Variants in DIAPH2 observed in about 807,000 individuals in gnomAD.
The protein encoded by DIAPH2 is protein diaphanous homolog 2.
A neutral mutation model predicts 92.7 loss-of-function variants in DIAPH2; 35 were observed. The observed-to-expected ratio is 0.38, with a 90% CI of 0.29 to 0.50. DIAPH2 has a LOEUF of 0.50. DIAPH2 is among the 20% of genes least tolerant of loss of function. DIAPH2 has a pLI of 0.94. For missense variants in DIAPH2, 701 were observed against 819.5 expected (o/e 0.86, Z 1.77); for synonymous variants, 301 against 280.4 (o/e 1.07, Z -0.73).
intron 25 of DIAPH2, among the ~76,000 whole-genome samples, chrX:97,404,261 C>T (rs2069787199): frequency 9.0e-6 from 1 of 111,416 alleles, no homozygotes; most frequent in African/African-American, 3.3e-5. Flanking sequence ...TTTTTAATTG[C>T]AGTTATTTGA....
intron 22 of DIAPH2, among the ~76,000 whole-genome samples, chrX:97,238,584 T>C (rs6615901): frequency 0.021 from 2,237 of 108,821 alleles, 61 homozygotes; most frequent in East Asian, 0.16. Flanking sequence ...TTTTTTTTTT[T>C]CCCCCTAAGA....
rs1170089359 is a variant in DIAPH2, at chrX:97,015,004, T to C, written c.2050+49797T>C. On this transcript the variant is annotated intron_variant, in intron 17 of 26. Coordinates refer to ENST00000324765, the MANE Select transcript of DIAPH2 (RefSeq NM_006729.5). ...TATATCCAACTTTTAGACCTAATTT[T>C]ATTTTTTAGTATATTTGAGAAAGTT... Among the ~76,000 whole-genome samples the C allele has an allele frequency of 7.1e-5, 8 of 112,047 alleles. 1 individual carries two copies. The highest frequency in any genetic ancestry group is 6.6e-4 in the Admixed American group (7 of 10,538).
intron 7 of DIAPH2, among the ~76,000 whole-genome samples, chrX:96,914,992 A>G (rs891986037): frequency 1.8e-5 from 2 of 111,115 alleles, no homozygotes; most frequent in African/African-American, 6.5e-5. Context: ...TTTTGGCCCC[A>G]TGGAGTTTAG....
rs2071608174 is a variant in DIAPH2 at position 97,603,995 on chromosome X, T to C, written c.*4678T>C. The C allele has an allele frequency of 8.9e-6, 1 of 112,738 alleles. No homozygotes were observed. The highest frequency in any genetic ancestry group is 1.9e-5 in the Non-Finnish European group (1 of 53,338). 9.3% of individuals were successfully genotyped at this position (112,738 alleles called of 1,213,427 possible). On this transcript the variant is annotated 3_prime_UTR_variant, in exon 27 of 27. Coordinates refer to ENST00000324765, the MANE Select transcript of DIAPH2 (RefSeq NM_006729.5). Reference sequence around the variant, plus strand: ...CTGCATTAGATTCCCATGGCTGCTGTAACAAATTACCCTCTAGCCCAGTGG... The same window carrying C: ...CTGCATTAGATTCCCATGGCTGCTGCAACAAATTACCCTCTAGCCCAGTGG...
At chrX:96,789,750 C>T (rs954560004) in intron 4 of DIAPH2, among the ~76,000 whole-genome samples, 1 of 111,608 alleles carries the variant, frequency 9.0e-6, no homozygotes, top group African/African-American at 3.3e-5. Context: ...ATACCTGATC[C>T]CCACTCCCCC....
At chrX:97,442,570 A>G (rs944340877) in intron 26 of DIAPH2, 8 of 112,518 alleles carry the variant, frequency 7.1e-5, no homozygotes, top group African/African-American at 2.6e-4. Context: ...GCTCATTTCT[A>G]TATTATTAAG....
At chrX:97,222,172 AGATGATGATGATGATGAT>A (rs56742311) in intron 22 of DIAPH2, among the ~76,000 whole-genome samples, 80 of 104,072 alleles carry the variant, frequency 7.7e-4, no homozygotes, top group African/African-American at 2.9e-3. Context: ...GGGAGGGTCT[AGATGATGATGATGATGAT>A]GATGATGATG....
chrX:96,910,597 A>G (rs1208989490), intron 5 of DIAPH2, among the ~76,000 whole-genome samples: 1 of 111,089 alleles, frequency 9.0e-6, no homozygotes, highest in African/African-American at 3.3e-5. Flanking sequence ...ATATTGATTT[A>G]TGTTTATGAT....
intron 26 of DIAPH2, among the ~76,000 whole-genome samples, chrX:97,509,012 GTTATTTATTTAT>G (rs56002860): frequency 0.015 from 1,345 of 90,405 alleles, 29 homozygotes; most frequent in African/African-American, 0.049. Flanking sequence ...AGCATACAAA[GTTATTTATTTAT>G]TTATTTATTT....
In DIAPH2 at chrX:97,269,693, TAAATGA is replaced by T. The variant is rs1401390482; in HGVS notation, c.2844+21856_2844+21861del. Among the ~76,000 whole-genome samples, 4 of 109,530 alleles carry T rather than the reference TAAATGA, an allele frequency of 3.7e-5. No individual in the cohort carries two copies. In the East Asian group the frequency reaches 1.1e-3, roughly 31 times the overall value. ...TGGTTAGAAAAGTATATACCAAAAATAAATGAATGAATGAACAAACTAAGGAATAAA... is the reference window on the plus strand; with the variant it reads ...TGGTTAGAAAAGTATATACCAAAAATATGAATGAACAAACTAAGGAATAAA... On this transcript the variant is annotated intron_variant, in intron 23 of 26. Transcript: ENST00000324765.
chrX:97,472,247 T>C (rs2070569941), intron 26 of DIAPH2, among the ~76,000 whole-genome samples: 1 of 112,214 alleles, frequency 8.9e-6, no homozygotes, highest in Non-Finnish European at 1.9e-5. Flanking sequence ...TGCAGGTAGA[T>C]ATAAATCCTC....
At chrX:97,271,142 A>C (rs973799974) in intron 23 of DIAPH2, among the ~76,000 whole-genome samples, 1 of 111,286 alleles carries the variant, frequency 9.0e-6, no homozygotes. Context: ...ACCTGTATAC[A>C]TGCCTTAATT....
chrX:96,997,345 T>G (rs1778517861), intron 17 of DIAPH2, among the ~76,000 whole-genome samples: 1 of 111,594 alleles, frequency 9.0e-6, no homozygotes, highest in African/African-American at 3.3e-5. Context: ...ATCTAGGAGT[T>G]GTATAAGTAT....
intron 24 of DIAPH2, among the ~76,000 whole-genome samples, chrX:97,374,494 G>A (rs763327734): frequency 6.5e-4 from 73 of 111,923 alleles, no homozygotes; most frequent in Non-Finnish European, 1.1e-3. Context: ...GTAGTTGATT[G>A]GTTGATGAAG....
At chrX:97,028,935 T>C (rs2066353630) in intron 17 of DIAPH2, among the ~76,000 whole-genome samples, 2 of 111,608 alleles carry the variant, frequency 1.8e-5, no homozygotes, top group Non-Finnish European at 3.8e-5. Context: ...CCACTAGCAA[T>C]GTAAAAGGGT....
At chrX:96,924,773 G>C (rs2065569035) in intron 9 of DIAPH2, among the ~76,000 whole-genome samples, 2 of 110,638 alleles carry the variant, frequency 1.8e-5, no homozygotes, top group African/African-American at 6.6e-5. Context: ...AGAAGGGGAA[G>C]GTGCTGCACA....
intron 24 of DIAPH2, among the ~76,000 whole-genome samples, chrX:97,359,439 T>C (rs183499583): frequency 9.1e-6 from 1 of 110,293 alleles, no homozygotes; most frequent in Non-Finnish European, 1.9e-5. Flanking sequence ...ATATATGTCC[T>C]ATATATGTGT....
rs778767362 is a variant in DIAPH2 at position 96,881,665 on chromosome X, A to T, written c.534A>T (p.Lys178Asn). 1.1e-5 allele frequency: 13 copies of T among 1,209,073 alleles called. No homozygotes were observed. In the South Asian group the frequency reaches 2.1e-4, roughly 20 times the overall value. ...HELRSGISDE[K>N]LLNCLESLRV... ...TACGATCGGGTATATCAGATGAGAA[A>T]CTTCTTAATTGCCTAGAATCCCTCA... is the stretch of plus-strand genomic sequence containing the variant. The change falls in exon 5 of 27, where the codon AAA becomes AAT. Residue 178 changes from lysine to asparagine, a missense_variant. Lys to Asn is a moderately conservative substitution (Grantham distance 94, BLOSUM62 0). Transcript: ENST00000324765.
chrX:97,001,843 A>G (rs901303773), intron 17 of DIAPH2, among the ~76,000 whole-genome samples: 4 of 111,224 alleles, frequency 3.6e-5, no homozygotes, highest in Non-Finnish European at 5.7e-5. Flanking sequence ...ACTTTGCTTG[A>G]CAAAGGTAAT....
Sources: gnomAD v4.1 joint callset for allele counts (sites outside exome capture counted in the v4.1 genomes callset) on GRCh38, gnomAD v4.1.1 for gene constraint, MANE v1.5 for transcripts, NCBI Gene and HGNC (gene_info 2026-07-23, HGNC 2026-07-21) for gene names.